Variants in ATP10A observed in about 807,000 individuals in gnomAD.
The protein encoded by ATP10A is ATPase phospholipid transporting 10A (putative).
A neutral mutation model predicts 147.8 loss-of-function variants in ATP10A; 111 were observed. The observed-to-expected ratio is 0.75, with a 90% CI of 0.64 to 0.88. The LOEUF is 0.88. Ranked by LOEUF, ATP10A falls within the 40% of genes least tolerant of loss-of-function variation. ATP10A has a pLI of 0.00. For synonymous variants in ATP10A, 875 were observed against 841.6 expected, an observed-to-expected ratio of 1.04 and a Z score of -0.69; for missense variants, 1,927 against 1,959.0, an observed-to-expected ratio of 0.98 and a Z score of 0.31.
At chr15:25,720,388 G>C (rs1334572981) in intron 7 of ATP10A, among the ~76,000 whole-genome samples, 2 of 152,194 alleles carry the variant, frequency 1.3e-5, no homozygotes, top group Non-Finnish European at 2.9e-5. Context: ...TCACCTGGCT[G>C]TGCAACAGAT....
chr15:25,780,335 G>T (rs1338590466), intron 2 of ATP10A, among the ~76,000 whole-genome samples: 2 of 152,240 alleles, frequency 1.3e-5, no homozygotes, highest in East Asian at 3.9e-4. Flanking sequence ...GGAGGAGAAG[G>T]CTCGGGCCAG....
chr15:25,833,454 T>G (rs1892452797), intron 1 of ATP10A, among the ~76,000 whole-genome samples: 1 of 152,162 alleles, frequency 6.6e-6, no homozygotes, highest in Non-Finnish European at 1.5e-5. Context: ...ACCATGAATT[T>G]CTTGTGATAA....
chr15:25,779,669 C>T (rs1389820026), intron 2 of ATP10A, among the ~76,000 whole-genome samples: 1 of 152,220 alleles, frequency 6.6e-6, no homozygotes, highest in Non-Finnish European at 1.5e-5. Context: ...AGCTGGGCGC[C>T]GCCAGGCTGT....
intron 1 of ATP10A, among the ~76,000 whole-genome samples, chr15:25,836,680 G>A (rs1409986363): frequency 6.6e-6 from 1 of 152,168 alleles, no homozygotes; most frequent in African/African-American, 2.4e-5. Context: ...CACACACAGT[G>A]CCAACCATGT....
At position 25,850,429 on chromosome 15, in the gene ATP10A, C is replaced by T. The variant is rs529435735; in HGVS notation, c.449+12219G>A. Among the ~76,000 whole-genome samples, 6 of 152,226 alleles carry T rather than the reference C, an allele frequency of 3.9e-5. No homozygotes were observed. In the South Asian group the frequency reaches 1.2e-3, roughly 32 times the overall value. On this transcript the variant is annotated intron_variant, in intron 1 of 20. Coordinates refer to ENST00000555815, the MANE Select transcript of ATP10A (RefSeq NM_024490.4). ...AACTGATTTCCAACTTGGCAAAAAG[C>T]AACAGGAGAGGCCCCGGCTGTGTCT...
chr15:25,714,361 G>C (rs1596739586), intron 9 of ATP10A, 120 bp from the exon 10 acceptor site: 2 of 844,586 alleles, frequency 2.4e-6, no homozygotes, highest in Non-Finnish European at 1.8e-6. Context: ...TTCCCCACTG[G>C]GGTCTCAGAG....
At chr15:25,692,938 C>A (rs1022939864) in intron 14 of ATP10A, among the ~76,000 whole-genome samples, 3 of 151,928 alleles carry the variant, frequency 2.0e-5, no homozygotes, top group Non-Finnish European at 2.9e-5. Flanking sequence ...GTAGGTAGGA[C>A]TACAGGTACA....
intron 12 of ATP10A, among the ~76,000 whole-genome samples, chr15:25,706,563 G>A (rs908634298): frequency 6.6e-6 from 1 of 152,206 alleles, no homozygotes; most frequent in Non-Finnish European, 1.5e-5. Flanking sequence ...CTGGACAACT[G>A]AGTCAGGGCT....
At chr15:25,733,372 G>A (rs1233443238) in intron 3 of ATP10A, among the ~76,000 whole-genome samples, 1 of 152,072 alleles carries the variant, frequency 6.6e-6, no homozygotes, top group Non-Finnish European at 1.5e-5. Flanking sequence ...GCGTTACCAG[G>A]CCCTACAGGA....
At position 25,832,790 on chromosome 15, in the gene ATP10A, T is replaced by C. The variant is rs181931973; in HGVS notation, c.449+29858A>G. On this transcript the variant is annotated intron_variant, in intron 1 of 20. Coordinates refer to ENST00000555815, the MANE Select transcript of ATP10A (RefSeq NM_024490.4). Reference sequence around the variant, plus strand: ...GACTATAGTTAACAGTAATTTAGTGTGTATTTTCCAATAGCTAGAAGAGAG... The same window carrying C: ...GACTATAGTTAACAGTAATTTAGTGCGTATTTTCCAATAGCTAGAAGAGAG... Among the ~76,000 whole-genome samples, 27 of 152,222 alleles carry C rather than the reference T, an allele frequency of 1.8e-4. 1 individual carries two copies. Among genetic ancestry groups the C allele is most frequent in the Admixed American group, 1.6e-3 (24 of 15,290 alleles).
At chr15:25,781,394 C>A (rs1281851593) in intron 1 of ATP10A, among the ~76,000 whole-genome samples, 171 bp from the exon 2 acceptor site, 1 of 152,054 alleles carries the variant, frequency 6.6e-6, no homozygotes, top group South Asian at 2.1e-4. Flanking sequence ...TGGTGGCTCA[C>A]GCCTGTAATC....
chr15:25,737,979 T>C (rs1384590989), intron 2 of ATP10A, among the ~76,000 whole-genome samples: 1 of 152,198 alleles, frequency 6.6e-6, no homozygotes, highest in Non-Finnish European at 1.5e-5. Flanking sequence ...AAACTTCCGT[T>C]GCTTAAGCAG....
At chr15:25,786,796 T>G (rs1055656830) in intron 1 of ATP10A, among the ~76,000 whole-genome samples, 1 of 148,846 alleles carries the variant, frequency 6.7e-6, no homozygotes, top group Non-Finnish European at 1.5e-5. Flanking sequence ...CAGCTAGTTT[T>G]TTTTTTTTTT....
chr15:25,757,870 G>A (rs769865363), intron 2 of ATP10A, among the ~76,000 whole-genome samples: 1 of 109,660 alleles, frequency 9.1e-6, no homozygotes, highest in African/African-American at 3.6e-5. Context: ...AACTCATTCC[G>A]ACCACCTGCT....
chr15:25,803,901 T>C (rs934422455), intron 1 of ATP10A, among the ~76,000 whole-genome samples: 2 of 152,240 alleles, frequency 1.3e-5, no homozygotes, highest in African/African-American at 4.8e-5. Context: ...TCTGCCTGTG[T>C]ATTGCTTCAC....
Position 25,733,992 on chromosome 15 carries a change from C to T in ATP10A, c.740+2064G>A, listed in dbSNP as rs533025948. Among the ~76,000 whole-genome samples, 593 of 152,320 alleles carry T rather than the reference C, an allele frequency of 3.9e-3. 2 individuals carry two copies. Among genetic ancestry groups the T allele is most frequent in the Non-Finnish European group, 6.2e-3 (421 of 68,018 alleles). ...ACTCAAGAGGCATCTTCCCCGGCAC[C>T]CGGGGGGAGTGCAGCCAGGCCTGGG... On this transcript the variant is annotated intron_variant, in intron 3 of 20. Transcript: ENST00000555815.
intron 3 of ATP10A, among the ~76,000 whole-genome samples, chr15:25,733,729 T>C (rs924420831): frequency 2.6e-4 from 40 of 152,192 alleles, no homozygotes; most frequent in Admixed American, 6.5e-4. Context: ...AGATGGTGCC[T>C]GTGCCCAGGC....
intron 1 of ATP10A, among the ~76,000 whole-genome samples, chr15:25,815,413 T>C (rs1891606750): frequency 1.5e-5 from 1 of 64,990 alleles, no homozygotes; most frequent in Non-Finnish European, 3.6e-5. Context: ...GAACGGTAGC[T>C]CCCTATCTGC....
chr15:25,696,189 C>T (rs959201665), intron 13 of ATP10A, among the ~76,000 whole-genome samples: 2 of 152,204 alleles, frequency 1.3e-5, no homozygotes, highest in African/African-American at 4.8e-5. Flanking sequence ...CTGTGTTCAA[C>T]ACACGCTTAC....
Sources: allele counts gnomAD v4.1 joint callset (sites outside exome capture counted in the v4.1 genomes callset), GRCh38; gene constraint gnomAD v4.1.1; transcripts MANE v1.5; gene names NCBI Gene and HGNC (gene_info 2026-07-23, HGNC 2026-07-21).